Variants in UTRN observed in about 807,000 individuals in gnomAD.
UTRN encodes the protein utrophin.
UTRN carries 283 observed loss-of-function variants against 463.9 expected under a neutral mutation model. That is an observed-to-expected ratio of 0.61 (90% CI 0.55 to 0.67). UTRN has a LOEUF of 0.67. Ranked by LOEUF, UTRN falls within the 30% of genes least tolerant of loss-of-function variation. UTRN has a pLI of 0.00. For missense variants in UTRN, 3,922 were observed against 4,084.3 expected (o/e 0.96, Z 1.08); for synonymous variants, 1,442 against 1,431.5 (o/e 1.01, Z -0.17).
At chr6:144,821,519 T>C (rs919086524) in intron 66 of UTRN, among the ~76,000 whole-genome samples, 12 of 152,016 alleles carry the variant, frequency 7.9e-5, no homozygotes, top group African/African-American at 2.9e-4. Flanking sequence ...ATCTATTTTT[T>C]ATTGAAAATG....
chr6:144,826,669 C>T (rs142477816), intron 66 of UTRN, among the ~76,000 whole-genome samples: 2 of 151,956 alleles, frequency 1.3e-5, no homozygotes, highest in Non-Finnish European at 2.9e-5. Flanking sequence ...TTTTTTGCAT[C>T]GATTCATAGT....
At chr6:144,349,316 T>C (rs996502117) in intron 2 of UTRN, among the ~76,000 whole-genome samples, 5 of 152,088 alleles carry the variant, frequency 3.3e-5, no homozygotes, top group Non-Finnish European at 5.9e-5. Context: ...CCCTGAGCAG[T>C]TCTTTAAGGG....
At chr6:144,642,103 A>G (rs771411894) in intron 51 of UTRN, among the ~76,000 whole-genome samples, 1 of 152,294 alleles carries the variant, frequency 6.6e-6, no homozygotes, top group Non-Finnish European at 1.5e-5. Flanking sequence ...GGGCTGGCCA[A>G]TTTTGACCCA....
intron 9 of UTRN, among the ~76,000 whole-genome samples, chr6:144,433,142 C>T (rs1382184534): frequency 2.6e-5 from 4 of 152,220 alleles, no homozygotes; most frequent in Non-Finnish European, 4.4e-5. Context: ...ACCTTTCCCC[C>T]CTTTCTATTC....
At chr6:144,287,182 A>G (rs1318300383) in intron 1 of UTRN, among the ~76,000 whole-genome samples, 1 of 152,274 alleles carries the variant, frequency 6.6e-6, no homozygotes, top group African/African-American at 2.4e-5. Flanking sequence ...AGGAATGCGA[A>G]GCTTGTGGGT....
intron 73 of UTRN, among the ~76,000 whole-genome samples, chr6:144,846,401 A>G (rs1328225093): frequency 6.6e-6 from 1 of 152,228 alleles, no homozygotes; most frequent in East Asian, 1.9e-4. Flanking sequence ...AGAGAGGCAG[A>G]AACCAAAGAC....
chr6:144,550,405 G>T (rs1348776010), intron 47 of UTRN, among the ~76,000 whole-genome samples: 1 of 152,146 alleles, frequency 6.6e-6, no homozygotes, highest in Non-Finnish European at 1.5e-5. Flanking sequence ...GAAAACACAT[G>T]ATTTTCCTGA....
Position 144,554,905 on chromosome 6 carries a change from C to A in UTRN, c.7134+12C>A. The A allele has an allele frequency of 1.2e-6, 2 of 1,613,360 alleles. No homozygotes were observed. Among genetic ancestry groups the A allele is most frequent in the South Asian group, 2.2e-5 (2 of 90,870 alleles). ...TTTCTGATAACCAAGTAAGACTCATCAGATATTTTTTGGCAGTATTGTTTT... is the reference window on the plus strand; with the variant it reads ...TTTCTGATAACCAAGTAAGACTCATAAGATATTTTTTGGCAGTATTGTTTT... On this transcript the variant is annotated intron_variant, in intron 49 of 74. Transcript: ENST00000367545.
intron 51 of UTRN, among the ~76,000 whole-genome samples, chr6:144,594,062 A>G (rs549088376): frequency 1.2e-3 from 176 of 152,326 alleles, no homozygotes; most frequent in African/African-American, 4.1e-3. Flanking sequence ...TTATGTTATG[A>G]CTTAGTTGAT....
At chr6:144,597,685 A>C (rs1376379479) in intron 51 of UTRN, among the ~76,000 whole-genome samples, 2 of 152,196 alleles carry the variant, frequency 1.3e-5, no homozygotes, top group Non-Finnish European at 2.9e-5. Flanking sequence ...CTCTAGAACT[A>C]TCCTGGTCTT....
In UTRN at chr6:144,824,575, TATATATATATATA is replaced by T. The variant is rs1779935894; in HGVS notation, c.9495-2772_9495-2760del. Among the ~76,000 whole-genome samples, 3 of 21,172 alleles carry T rather than the reference TATATATATATATA, an allele frequency of 1.4e-4. 1 individual carries two copies. The highest frequency in any genetic ancestry group is 5.1e-3 in the South Asian group (2 of 390). The allele number at this position is 21,172 out of a possible 152,430, so 13.9% of individuals were successfully genotyped here. A position where few individuals can be genotyped will look rare whatever the true frequency, so the allele number is the denominator to read the frequency against. ...ATATATTAATATAGCATTTTATTTATATATATATATATATATATATATATATATATATATATAT... is the reference window on the plus strand; with the variant it reads ...ATATATTAATATAGCATTTTATTTATTATATATATATATATATATATATAT... On this transcript the variant is annotated intron_variant, in intron 66 of 74. Coordinates refer to ENST00000367545, the MANE Select transcript of UTRN (RefSeq NM_007124.3).
At chr6:144,690,399 T>TA (rs1414552412) in intron 52 of UTRN, among the ~76,000 whole-genome samples, 2 of 151,864 alleles carry the variant, frequency 1.3e-5, no homozygotes, top group African/African-American at 4.8e-5. Flanking sequence ...AGCATTCCAC[T>TA]AACAGCAACA....
At chr6:144,674,615 G>T (rs981937242) in intron 51 of UTRN, among the ~76,000 whole-genome samples, 1 of 152,024 alleles carries the variant, frequency 6.6e-6, no homozygotes, top group Non-Finnish European at 1.5e-5. Context: ...GGTGTGTAGT[G>T]GTGTGACCTT....
chr6:144,665,673 G>C (rs1780312760), intron 51 of UTRN, among the ~76,000 whole-genome samples: 1 of 152,178 alleles, frequency 6.6e-6, no homozygotes, highest in Non-Finnish European at 1.5e-5. Context: ...TTTACAGAAA[G>C]ACTAACCACT....
intron 18 of UTRN, 21 bp from the exon 19 acceptor site, chr6:144,453,761 A>T: frequency 1.2e-6 from 2 of 1,605,154 alleles, no homozygotes; most frequent in African/African-American, 1.3e-5. Flanking sequence ...CAATATTCTT[A>T]TGTTGGGACT....
chr6:144,406,326 C>T (rs1783392386), intron 3 of UTRN, among the ~76,000 whole-genome samples: 2 of 150,518 alleles, frequency 1.3e-5, no homozygotes, highest in Non-Finnish European at 2.9e-5. Context: ...GCTCCACCTT[C>T]TCCATCTCCC....
Position 144,505,223 on chromosome 6 carries a change from C to T in UTRN, c.4765-5721C>T, listed in dbSNP as rs186721787. Among the ~76,000 whole-genome samples the T allele has an allele frequency of 1.2e-3, 187 of 152,272 alleles. 1 individual carries two copies. The highest frequency in any genetic ancestry group is 0.01 in the Middle Eastern group (3 of 294). ...TTTTCAAAAAACCAGCTCCTGGATT[C>T]ATTGAATTTTTTGAAGGGTTTTCGT... is the stretch of plus-strand genomic sequence containing the variant. On this transcript the variant is annotated intron_variant, in intron 34 of 74. Transcript: ENST00000367545.
chr6:144,809,167 C>G (rs1409057898), intron 65 of UTRN, among the ~76,000 whole-genome samples: 1 of 152,036 alleles, frequency 6.6e-6, no homozygotes, highest in Non-Finnish European at 1.5e-5. Context: ...TATAAAAGTT[C>G]ATACAATTGC....
chr6:144,824,601 TATA>T (rs1779959897), intron 66 of UTRN, among the ~76,000 whole-genome samples: 1 of 59,276 alleles, frequency 1.7e-5, no homozygotes, highest in Admixed American at 2.8e-4. Flanking sequence ...TATATATATA[TATA>T]TATATATATC....
Sources: allele counts gnomAD v4.1 joint callset (sites outside exome capture counted in the v4.1 genomes callset), GRCh38; gene constraint gnomAD v4.1.1; transcripts MANE v1.5; gene names NCBI Gene and HGNC (gene_info 2026-07-23, HGNC 2026-07-21).